Variants in HS6ST3 observed in about 807,000 individuals in gnomAD.
The protein encoded by HS6ST3 is heparan sulfate 6-O-sulfotransferase 3.
In HS6ST3, 12 loss-of-function variants were observed where a neutral mutation model predicts 36.7. That is an observed-to-expected ratio of 0.33 (90% CI 0.21 to 0.53). The LOEUF (loss-of-function observed/expected upper bound fraction) is 0.53, where lower values mean the gene tolerates loss of function less well. Ranked by LOEUF, HS6ST3 falls within the 20% of genes least tolerant of loss-of-function variation. The probability of loss-of-function intolerance (pLI) is 0.95; values close to 1 mark genes in which losing one functional copy is unlikely to be tolerated. For missense variants in HS6ST3, 584 were observed against 640.9 expected, an observed-to-expected ratio of 0.91 and a Z score of 0.96; for synonymous variants, 240 against 257.5, an observed-to-expected ratio of 0.93 and a Z score of 0.65.
At chr13:96,445,317 A>G (rs1566363162) in intron 1 of HS6ST3, among the ~76,000 whole-genome samples, 1 of 152,150 alleles carries the variant, frequency 6.6e-6, no homozygotes. Context: ...GATGCTTGAC[A>G]TGGGTGTTTG....
At chr13:96,161,922 T>C (rs899905624) in intron 1 of HS6ST3, among the ~76,000 whole-genome samples, 13 of 152,198 alleles carry the variant, frequency 8.5e-5, no homozygotes, top group African/African-American at 3.1e-4. Context: ...ATATGAAAAA[T>C]ACTTTAAAAT....
intron 1 of HS6ST3, among the ~76,000 whole-genome samples, chr13:96,139,360 A>G (rs1010534379): frequency 3.3e-5 from 5 of 152,050 alleles, no homozygotes; most frequent in African/African-American, 7.2e-5. Flanking sequence ...GAAAGAATAC[A>G]TGAAAAAAGG....
chr13:96,648,130 G>C (rs1016763911), intron 1 of HS6ST3, among the ~76,000 whole-genome samples: 36 of 151,998 alleles, frequency 2.4e-4, no homozygotes, highest in African/African-American at 7.5e-4. Context: ...CCATGATGGA[G>C]CTTTTATACC....
intron 1 of HS6ST3, among the ~76,000 whole-genome samples, chr13:96,572,112 G>A (rs1240518688): frequency 2.0e-5 from 3 of 152,222 alleles, no homozygotes; most frequent in Non-Finnish European, 2.9e-5. Flanking sequence ...CTGGGTTCTA[G>A]GCTCGATAAT....
In HS6ST3 at chr13:96,108,931, G is replaced by A. The variant is rs2053855115; in HGVS notation, c.707+17362G>A. On this transcript the variant is annotated intron_variant, in intron 1 of 1. Transcript: ENST00000376705. ...GTCACAGGGCAGCATTCCATGAAAG[G>A]TTAAATCTGTGACAACCACTCCTAT... Among the ~76,000 whole-genome samples, 3 of 150,562 alleles carry A rather than the reference G, an allele frequency of 2.0e-5. No individual in the cohort carries two copies. The South Asian group carries it at 6.3e-4, about 32-fold the overall frequency.
chr13:96,776,948 T>C (rs1877401302), intron 1 of HS6ST3, among the ~76,000 whole-genome samples: 1 of 152,148 alleles, frequency 6.6e-6, no homozygotes, highest in Admixed American at 6.5e-5. Context: ...CTCAGTAAAA[T>C]ACTGGCAAAC....
At chr13:96,353,569 T>G (rs890660349) in intron 1 of HS6ST3, among the ~76,000 whole-genome samples, 1 of 152,108 alleles carries the variant, frequency 6.6e-6, no homozygotes, top group African/African-American at 2.4e-5. Context: ...TTTTTTTTTT[T>G]CAAATAAACG....
intron 1 of HS6ST3, among the ~76,000 whole-genome samples, chr13:96,377,887 G>A (rs2055322536): frequency 6.6e-6 from 1 of 152,184 alleles, no homozygotes; most frequent in Admixed American, 6.5e-5. Context: ...TGTTACCAAA[G>A]GACGTGCAAG....
intron 1 of HS6ST3, among the ~76,000 whole-genome samples, chr13:96,129,777 T>C (rs901837639): frequency 3.3e-5 from 5 of 152,168 alleles, no homozygotes; most frequent in South Asian, 2.1e-4. Context: ...CCAGTATGAC[T>C]GGTGACCTTA....
At chr13:96,187,091 A>T (rs1489640762) in intron 1 of HS6ST3, among the ~76,000 whole-genome samples, 2 of 152,204 alleles carry the variant, frequency 1.3e-5, no homozygotes, top group Non-Finnish European at 1.5e-5. Flanking sequence ...GAGGCACCAA[A>T]CACATGTCCT....
intron 1 of HS6ST3, among the ~76,000 whole-genome samples, chr13:96,506,551 C>G (rs1292042923): frequency 6.6e-6 from 1 of 152,114 alleles, no homozygotes; most frequent in Non-Finnish European, 1.5e-5. Context: ...GCTTATTTTC[C>G]TATTGAATGC....
chr13:96,207,845 G>GCATC (rs1352815206), intron 1 of HS6ST3, among the ~76,000 whole-genome samples: 1 of 152,116 alleles, frequency 6.6e-6, no homozygotes, highest in East Asian at 1.9e-4. Context: ...TGCCATGGGG[G>GCATC]AAGGGATAGC....
intron 1 of HS6ST3, among the ~76,000 whole-genome samples, chr13:96,176,835 A>G (rs762635956): frequency 6.6e-6 from 1 of 152,212 alleles, no homozygotes; most frequent in Non-Finnish European, 1.5e-5. Flanking sequence ...TAAACAGACA[A>G]CCTACAGAAT....
chr13:96,692,270 C>T (rs1874985896), intron 1 of HS6ST3, among the ~76,000 whole-genome samples: 1 of 152,096 alleles, frequency 6.6e-6, no homozygotes, highest in African/African-American at 2.4e-5. Flanking sequence ...GCCCAAGTCC[C>T]TAATACACAT....
intron 1 of HS6ST3, among the ~76,000 whole-genome samples, chr13:96,373,741 G>C (rs1011211826): frequency 6.6e-6 from 1 of 152,062 alleles, no homozygotes; most frequent in Non-Finnish European, 1.5e-5. Flanking sequence ...TTTCAATCAT[G>C]GCTGCTCTCA....
At chr13:96,292,601 C>T (rs1040396981) in intron 1 of HS6ST3, among the ~76,000 whole-genome samples, 2 of 110,030 alleles carry the variant, frequency 1.8e-5, no homozygotes, top group Non-Finnish European at 3.6e-5. Flanking sequence ...TATAGTACTT[C>T]AGCTAAATAA....
At chr13:96,642,050 G>A (rs1447317324) in intron 1 of HS6ST3, among the ~76,000 whole-genome samples, 1 of 151,742 alleles carries the variant, frequency 6.6e-6, no homozygotes, top group Non-Finnish European at 1.5e-5. Context: ...ACTCCCTTTA[G>A]TATTTCTTAT....
At chr13:96,367,214 G>A (rs894945836) in intron 1 of HS6ST3, among the ~76,000 whole-genome samples, 2 of 152,024 alleles carry the variant, frequency 1.3e-5, no homozygotes, top group African/African-American at 2.4e-5. Flanking sequence ...TTTTGTAAAC[G>A]GAAAGCTGAT....
At chr13:96,470,245 A>T (rs1030171841) in intron 1 of HS6ST3, among the ~76,000 whole-genome samples, 2 of 152,168 alleles carry the variant, frequency 1.3e-5, no homozygotes, top group Non-Finnish European at 2.9e-5. Flanking sequence ...CATGTTGGTG[A>T]GGCACTGGGG....
Sources: allele counts gnomAD v4.1 joint callset (sites outside exome capture counted in the v4.1 genomes callset), GRCh38; gene constraint gnomAD v4.1.1; transcripts MANE v1.5; gene names NCBI Gene and HGNC (gene_info 2026-07-23, HGNC 2026-07-21).